Variants in TOX observed in about 807,000 individuals in gnomAD.
TOX encodes the protein thymocyte selection-associated high mobility group box protein TOX.
TOX carries 11 observed loss-of-function variants against 53.7 expected under a neutral mutation model. The ratio of observed to expected loss-of-function variants is 0.20; its 90% CI spans 0.13 to 0.34. The LOEUF (loss-of-function observed/expected upper bound fraction) is 0.34. Ranked by LOEUF, TOX falls within the 10% of genes least tolerant of loss-of-function variation. The pLI is 1.00. For missense variants in TOX, 570 were observed against 664.6 expected (o/e 0.86, Z 1.56); for synonymous variants, 225 against 245.3 (o/e 0.92, Z 0.77).
intron 3 of TOX, among the ~76,000 whole-genome samples, chr8:58,904,094 G>T (rs1235275002): frequency 6.6e-6 from 1 of 152,022 alleles, no homozygotes; most frequent in African/African-American, 2.4e-5. Context: ...AAAGATTCAT[G>T]GTATATTCCA....
intron 1 of TOX, among the ~76,000 whole-genome samples, chr8:59,053,440 A>G (rs934953744): frequency 3.3e-5 from 5 of 152,180 alleles, no homozygotes; most frequent in Admixed American, 1.3e-4. Context: ...TCGAAAATAT[A>G]TTGGTCTGCC....
At chr8:58,839,841 A>T (rs1167472877) in intron 4 of TOX, among the ~76,000 whole-genome samples, 2 of 152,200 alleles carry the variant, frequency 1.3e-5, no homozygotes, top group East Asian at 1.9e-4. Flanking sequence ...ATGAAGCATG[A>T]TGTACAGAGA....
chr8:58,989,230 C>T (rs979162907), intron 1 of TOX, among the ~76,000 whole-genome samples: 1 of 151,924 alleles, frequency 6.6e-6, no homozygotes, highest in Non-Finnish European at 1.5e-5. Context: ...GCAGGAGAAT[C>T]GCTTGAACCT....
chr8:58,832,710 C>T (rs1810482875), intron 5 of TOX, among the ~76,000 whole-genome samples: 1 of 152,106 alleles, frequency 6.6e-6, no homozygotes, highest in Admixed American at 6.6e-5. Context: ...GCCACTTCTA[C>T]CAGGGAAGAG....
chr8:58,992,383 T>A (rs957343481), intron 1 of TOX, among the ~76,000 whole-genome samples: 1 of 152,160 alleles, frequency 6.6e-6, no homozygotes, highest in African/African-American at 2.4e-5. Context: ...AGATTTATTT[T>A]TTTTTCCTTA....
chr8:58,915,838 A>C (rs1373194058), intron 3 of TOX, among the ~76,000 whole-genome samples: 1 of 141,686 alleles, frequency 7.1e-6, no homozygotes, highest in South Asian at 2.4e-4. Context: ...TAGAATAACC[A>C]ATACAGAGAA....
chr8:59,076,768 G>C (rs1251756595), intron 1 of TOX, among the ~76,000 whole-genome samples: 1 of 151,954 alleles, frequency 6.6e-6, no homozygotes, highest in Non-Finnish European at 1.5e-5. Flanking sequence ...GGGATCATAG[G>C]GCAAACCTTT....
At chr8:59,000,700 A>G (rs1813675180) in intron 1 of TOX, among the ~76,000 whole-genome samples, 1 of 152,190 alleles carries the variant, frequency 6.6e-6, no homozygotes, top group South Asian at 2.1e-4. Flanking sequence ...ATAGCCATAA[A>G]GAAAAATTGA....
At chr8:59,036,969 T>C (rs1425805415) in intron 1 of TOX, among the ~76,000 whole-genome samples, 1 of 152,232 alleles carries the variant, frequency 6.6e-6, no homozygotes, top group Non-Finnish European at 1.5e-5. Flanking sequence ...ATGGTCTTTC[T>C]GGATTAATAT....
chr8:59,091,070 C>A (rs1804599700), intron 1 of TOX, among the ~76,000 whole-genome samples: 1 of 152,086 alleles, frequency 6.6e-6, no homozygotes, highest in Non-Finnish European at 1.5e-5. Flanking sequence ...CAAAAATAAC[C>A]CCTTGGGCTC....
At chr8:58,945,638 C>T (rs1812512097) in intron 2 of TOX, among the ~76,000 whole-genome samples, 2 of 152,200 alleles carry the variant, frequency 1.3e-5, no homozygotes, top group South Asian at 4.1e-4. Flanking sequence ...CTTCTGCAGT[C>T]CACATTTCCT....
chr8:59,080,305 C>T (rs556896919), intron 1 of TOX, among the ~76,000 whole-genome samples: 3 of 152,236 alleles, frequency 2.0e-5, no homozygotes, highest in African/African-American at 7.2e-5. Flanking sequence ...TTGTCAATTT[C>T]TCCCTTTTGG....
At chr8:58,853,572 C>T (rs1375187) in intron 3 of TOX, among the ~76,000 whole-genome samples, 48,387 of 151,974 alleles carry the variant, frequency 0.32, 7,879 homozygotes, top group Middle Eastern at 0.35. Context: ...ATAAAACCCA[C>T]CTCTCCTAAT....
At chr8:58,901,201 T>C (rs4738733) in intron 3 of TOX, among the ~76,000 whole-genome samples, 83,880 of 151,978 alleles carry the variant, frequency 0.55, 23,660 homozygotes, top group African/African-American at 0.66. Flanking sequence ...TGTAGCAAAA[T>C]GATTCAAGTC....
intron 2 of TOX, among the ~76,000 whole-genome samples, chr8:58,948,553 A>G (rs1027650306): frequency 6.6e-6 from 1 of 152,238 alleles, no homozygotes; most frequent in Non-Finnish European, 1.5e-5. Context: ...TAAACAAATC[A>G]TTAGAGAGAC....
intron 1 of TOX, among the ~76,000 whole-genome samples, chr8:59,037,492 C>A (rs961545972): frequency 2.0e-5 from 3 of 152,026 alleles, no homozygotes; most frequent in Non-Finnish European, 4.4e-5. Flanking sequence ...ACTGCTTTTT[C>A]TCCTCTTTGG....
intron 1 of TOX, among the ~76,000 whole-genome samples, chr8:59,048,482 T>C (rs1342836593): frequency 1.3e-5 from 2 of 152,168 alleles, no homozygotes; most frequent in African/African-American, 4.8e-5. Flanking sequence ...CCAAAAAGCA[T>C]AAAACATATA....
chr8:58,812,361 C>A (rs2129164047), intron 7 of TOX, among the ~76,000 whole-genome samples: 1 of 152,144 alleles, frequency 6.6e-6, no homozygotes, highest in East Asian at 1.9e-4. Context: ...TCTCTTTATT[C>A]CCCTCCTTTC....
chr8:59,008,221 C>T (rs1813828427), intron 1 of TOX, among the ~76,000 whole-genome samples: 1 of 152,158 alleles, frequency 6.6e-6, no homozygotes, highest in African/African-American at 2.4e-5. Context: ...CAGGACTAAG[C>T]TATATCCAGA....
Sources: gnomAD v4.1 joint callset for allele counts (sites outside exome capture counted in the v4.1 genomes callset) on GRCh38, gnomAD v4.1.1 for gene constraint, MANE v1.5 for transcripts, NCBI Gene and HGNC (gene_info 2026-07-23, HGNC 2026-07-21) for gene names.